The following FZR1 variants were observed in gnomAD, a reference collection of about 807,000 sequenced individuals.
The protein encoded by FZR1 is fizzy-related protein homolog.
A neutral mutation model predicts 63.6 loss-of-function variants in FZR1; 11 were observed. The observed-to-expected ratio is 0.17, with a 90% CI of 0.11 to 0.29. FZR1 has a LOEUF of 0.29. FZR1 is among the 10% of genes least tolerant of loss of function. FZR1 has a pLI of 1.00. For synonymous variants in FZR1, 328 were observed against 297.9 expected, an observed-to-expected ratio of 1.10 and a Z score of -1.04; for missense variants, 440 against 687.5, an observed-to-expected ratio of 0.64 and a Z score of 4.03.
At chr19:3,518,660 C>A (rs1461564552) in intron 1 of FZR1, among the ~76,000 whole-genome samples, 1 of 152,220 alleles carries the variant, frequency 6.6e-6, no homozygotes, top group African/African-American at 2.4e-5. Flanking sequence ...CGTTGTCCAT[C>A]TTGCTTTTAC....
In FZR1 at chr19:3,516,909, G is replaced by T. The variant is rs2083062551; in HGVS notation, c.-34-6047G>T. On this transcript the variant is annotated intron_variant, in intron 1 of 13. Transcript: ENST00000441788. This position sits in a 1 kb window ranked among gnomAD's most constrained non-coding sequence, Gnocchi z 6.0. ...TGCTGGGCAGCGATGTGTGCCAGGGGCCGTGTGCAGCTGCAGCTGGCGCCC... is the reference window on the plus strand; with the variant it reads ...TGCTGGGCAGCGATGTGTGCCAGGGTCCGTGTGCAGCTGCAGCTGGCGCCC... 2.6e-5 allele frequency among the ~76,000 whole-genome samples: 4 copies of T among 152,262 alleles called. No individual in the cohort carries two copies. The South Asian group carries it at 8.3e-4, about 31-fold the overall frequency.
chr19:3,522,848 G>A (rs2083115463), intron 1 of FZR1, 108 bp from the exon 2 acceptor site: 2 of 690,594 alleles, frequency 2.9e-6, no homozygotes, highest in Non-Finnish European at 2.7e-6. Context: ...GGAGCCAGGA[G>A]GACCCCACAG....
intron 2 of FZR1, among the ~76,000 whole-genome samples, chr19:3,524,571 T>C (rs2083133946): frequency 6.6e-6 from 1 of 152,140 alleles, no homozygotes; most frequent in Non-Finnish European, 1.5e-5. Flanking sequence ...AATATGACCC[T>C]ACGCAAGCCT....
At chr19:3,523,359 G>A (rs1016997058) in intron 2 of FZR1, among the ~76,000 whole-genome samples, 2 of 152,296 alleles carry the variant, frequency 1.3e-5, no homozygotes, top group South Asian at 2.1e-4. Context: ...AGGGAGACCC[G>A]TTCCTGTCTC....
intron 11 of FZR1, 118 bp downstream of exon 11, chr19:3,532,768 T>C (rs1599794014): frequency 1.3e-6 from 1 of 748,170 alleles, no homozygotes; most frequent in Non-Finnish European, 2.3e-6. Flanking sequence ...TGAAGGGAGA[T>C]GGGCGAGGGA....
intron 8 of FZR1, among the ~76,000 whole-genome samples, chr19:3,531,307 C>T (rs946980807): frequency 3.3e-5 from 5 of 152,168 alleles, no homozygotes; most frequent in East Asian, 3.9e-4. Flanking sequence ...TGTGTCCAGG[C>T]GTGTGCGCTC....
At chr19:3,508,864 C>T (rs1477748580) in intron 1 of FZR1, among the ~76,000 whole-genome samples, 2 of 152,214 alleles carry the variant, frequency 1.3e-5, no homozygotes, top group Non-Finnish European at 2.9e-5. Context: ...GCAGCCTGTC[C>T]CCAATGTCTG....
chr19:3,534,392 G>A, intron 12 of FZR1, 29 bp from the exon 13 acceptor site: 1 of 1,315,956 alleles, frequency 7.6e-7, no homozygotes, highest in Non-Finnish European at 1.1e-6. Flanking sequence ...GAGGCCCAGA[G>A]ACATGGGGTG....
intron 8 of FZR1, among the ~76,000 whole-genome samples, chr19:3,531,172 CT>C (rs1348043318): frequency 6.6e-6 from 1 of 152,122 alleles, no homozygotes; most frequent in African/African-American, 2.4e-5. Flanking sequence ...GTCGAGTGGG[CT>C]TTAGTTCCAT....
intron 2 of FZR1, among the ~76,000 whole-genome samples, chr19:3,524,315 G>A (rs978058291): frequency 1.3e-5 from 2 of 152,220 alleles, no homozygotes; most frequent in Admixed American, 6.5e-5. Context: ...GAAGTCTCCC[G>A]GATGCAGCCA....
chr19:3,534,784 T>C lies in FZR1; in HGVS notation c.1441-11T>C. 1 of 1,611,988 alleles carries C rather than the reference T, an allele frequency of 6.2e-7. No homozygotes were observed. The highest frequency in any genetic ancestry group is 8.5e-7 in the Non-Finnish European group (1 of 1,178,944). ...CGGCTCAGCGCATCTGCCATCCCCA[T>C]GTGTCTGCAGGAGTCTGTGTCTGTG... On this transcript the variant is annotated splice_polypyrimidine_tract_variant and intron_variant, in intron 13 of 13. Transcript: ENST00000441788.
intron 12 of FZR1, chr19:3,534,217 G>C (rs1166362742): frequency 2.1e-6 from 1 of 476,380 alleles, no homozygotes; most frequent in Non-Finnish European, 3.6e-6. Context: ...GCCAGACCCC[G>C]TCTTAAAATT....
intron 1 of FZR1, among the ~76,000 whole-genome samples, chr19:3,519,906 C>A (rs751751666): frequency 8.5e-4 from 129 of 152,148 alleles, no homozygotes; most frequent in Non-Finnish European, 1.2e-3. Flanking sequence ...TCCTGGGGCT[C>A]AGGATCTGCA....
intron 1 of FZR1, among the ~76,000 whole-genome samples, chr19:3,520,238 G>A (rs1040718278): frequency 6.6e-6 from 1 of 152,228 alleles, no homozygotes; most frequent in Non-Finnish European, 1.5e-5. Flanking sequence ...GCCCTGTGGA[G>A]AACCGGTGGG....
chr19:3,509,088 C>G (rs2083006556), intron 1 of FZR1, among the ~76,000 whole-genome samples: 1 of 152,252 alleles, frequency 6.6e-6, no homozygotes, highest in African/African-American at 2.4e-5. Flanking sequence ...ACCTGCTCGT[C>G]AACTCCGCTT....
chr19:3,506,669 C>T (rs2082985610), intron 1 of FZR1, among the ~76,000 whole-genome samples, 195 bp downstream of exon 1: 1 of 151,758 alleles, frequency 6.6e-6, no homozygotes. Flanking sequence ...CCGCGTCTCC[C>T]GAGTTAACAC....
Position 3,516,925 on chromosome 19 carries a change from G to C in FZR1, c.-34-6031G>C, listed in dbSNP as rs2121917188. 6.6e-6 allele frequency among the ~76,000 whole-genome samples: 1 copy of C among 152,378 alleles called. No individual in the cohort carries two copies. Among genetic ancestry groups the C allele is most frequent in the African/African-American group, 2.4e-5 (1 of 41,588 alleles). On this transcript the variant is annotated intron_variant, in intron 1 of 13. Coordinates refer to ENST00000441788, the MANE Select transcript of FZR1 (RefSeq NM_016263.4). The surrounding 1 kb of genome is among the most constrained non-coding windows in gnomAD (Gnocchi z 6.0). Reference sequence around the variant, plus strand: ...GTGCCAGGGGCCGTGTGCAGCTGCAGCTGGCGCCCGGTGTATTTGCTTTCA... The same window carrying C: ...GTGCCAGGGGCCGTGTGCAGCTGCACCTGGCGCCCGGTGTATTTGCTTTCA...
chr19:3,525,449 T>C lies in FZR1; in HGVS notation c.70-419T>C, dbSNP rs965940938. ...TGGGTTTTCTTTTTTTTTTTTTTTT[T>C]TTTTTTTTTTTGAGACGGAGTCTCG... On this transcript the variant is annotated intron_variant, in intron 2 of 13. Transcript: ENST00000441788. The surrounding 1 kb of genome is among the most constrained non-coding windows in gnomAD (Gnocchi z 4.2). 7.2e-6 allele frequency among the ~76,000 whole-genome samples: 1 copy of C among 139,470 alleles called. No individual in the cohort carries two copies. The highest frequency in any genetic ancestry group is 2.7e-5 in the African/African-American group (1 of 37,350). 91.5% of individuals were successfully genotyped at this position (139,470 alleles called of 152,430 possible).
chr19:3,518,829 A>T (rs985814147), intron 1 of FZR1, among the ~76,000 whole-genome samples: 1 of 152,202 alleles, frequency 6.6e-6, no homozygotes, highest in Non-Finnish European at 1.5e-5. Flanking sequence ...AAACTACTGC[A>T]TTCCAGCCTG....
Sources: allele counts gnomAD v4.1 joint callset (sites outside exome capture counted in the v4.1 genomes callset), GRCh38; gene constraint gnomAD v4.1.1; non-coding constraint Gnocchi (gnomAD v3.1); transcripts MANE v1.5; gene names NCBI Gene and HGNC (gene_info 2026-07-23, HGNC 2026-07-21).